Variants in ZNF716 observed in about 807,000 individuals in gnomAD.
ZNF716 encodes zinc finger protein 716.
A neutral mutation model predicts 13.4 loss-of-function variants in ZNF716; 9 were observed. The observed-to-expected ratio is 0.67, with a 90% confidence interval of 0.41 to 1.18. The LOEUF (loss-of-function observed/expected upper bound fraction) is 1.18, where lower values mean the gene tolerates loss of function less well. Among genes scored for constraint, ZNF716 ranks in the 50% most tolerant of loss-of-function variants. The pLI is 0.01. For synonymous variants in ZNF716, 186 were observed against 195.2 expected, an observed-to-expected ratio of 0.95 and a Z score of 0.39; for missense variants, 581 against 576.6, an observed-to-expected ratio of 1.01 and a Z score of -0.08.
rs782407347 is a variant in ZNF716, at chr7:57,469,765, T to C, written c.1304T>C (p.Leu435Pro). 1 of 1,609,378 alleles carries C rather than the reference T, an allele frequency of 6.2e-7. No homozygotes were observed. Among genetic ancestry groups the C allele is most frequent in the Non-Finnish European group, 8.5e-7 (1 of 1,178,036 alleles). ...AAGATAATTCATACTGGAGAGAAAC[T>C]CTACAAATGTAAAGAATGTGGGAAA... ...KHKIIHTGEK[L>P]YKCKECGKAF... The change falls in exon 4 of 4, where the codon CTC becomes CCC. Residue 435 changes from leucine (L) to proline (P), a missense_variant. Physicochemically the swap from Leu to Pro is moderately conservative, Grantham distance 98. Coordinates refer to ENST00000420713, the MANE Select transcript of ZNF716 (RefSeq NM_001159279.1).
intron 1 of ZNF716, among the ~76,000 whole-genome samples, chr7:57,459,142 T>A (rs1173800079): frequency 1.3e-5 from 2 of 152,242 alleles, no homozygotes; most frequent in African/African-American, 4.8e-5. Context: ...TTAAAATTAA[T>A]GATAAACATA....
intron 1 of ZNF716, among the ~76,000 whole-genome samples, chr7:57,455,422 T>C: frequency 6.6e-6 from 1 of 152,236 alleles, no homozygotes; most frequent in East Asian, 1.9e-4. Context: ...TATCTGGCTA[T>C]GTGATAAGTA....
At chr7:57,455,879 C>CT (rs34475017) in intron 1 of ZNF716, among the ~76,000 whole-genome samples, 6 of 151,484 alleles carry the variant, frequency 4.0e-5, no homozygotes, top group South Asian at 4.2e-4. Context: ...CTTTCCCAAA[C>CT]TTTTTTTTTG....
Position 57,472,359 on chromosome 7 carries a change from A to G in ZNF716, c.*2410A>G, listed in dbSNP as rs1318399134. On this transcript the variant is annotated 3_prime_UTR_variant, in exon 4 of 4. Coordinates refer to ENST00000420713, the MANE Select transcript of ZNF716 (RefSeq NM_001159279.1). ...GCTTTGAAAGAAGTATTAAGCTGCC[A>G]TTGACTCTATCGTGTCTCATCTTAA... The G allele has an allele frequency of 1.3e-5, 2 of 152,218 alleles. No individual in the cohort carries two copies. The highest frequency in any genetic ancestry group is 4.8e-5 in the African/African-American group (2 of 41,458). The allele number at this position is 152,218 out of a possible 1,614,324, so 9.4% of individuals were successfully genotyped here.
In ZNF716 at chr7:57,457,047, G is replaced by C. The variant is rs78424363; in HGVS notation, c.40-5413G>C. Among the ~76,000 whole-genome samples, 362 of 152,186 alleles carry C rather than the reference G, an allele frequency of 2.4e-3. 2 individuals carry two copies. Among genetic ancestry groups the C allele is most frequent in the African/African-American group, 8.3e-3 (343 of 41,526 alleles). On this transcript the variant is annotated intron_variant, in intron 1 of 3. Coordinates refer to ENST00000420713, the MANE Select transcript of ZNF716 (RefSeq NM_001159279.1). Reference sequence around the variant, plus strand: ...ACATTGATGCATCCACACCCCTCCCGGGACTAGGCACCACCTTCAAGAATT... The same window carrying C: ...ACATTGATGCATCCACACCCCTCCCCGGACTAGGCACCACCTTCAAGAATT...
At chr7:57,463,304 A>C (rs1164732634) in intron 3 of ZNF716, 136 bp downstream of exon 3, 2 of 1,206,662 alleles carry the variant, frequency 1.7e-6, no homozygotes, top group Non-Finnish European at 2.3e-6. Context: ...ATTTTTTTCT[A>C]TTATGCTTAC....
chr7:57,456,223 G>A (rs1789588666), intron 1 of ZNF716, among the ~76,000 whole-genome samples: 1 of 151,910 alleles, frequency 6.6e-6, no homozygotes, highest in Admixed American at 6.6e-5. Flanking sequence ...CAACGTGCTG[G>A]GATTACAGGC....
chr7:57,451,596 C>T (rs543626117), intron 1 of ZNF716, among the ~76,000 whole-genome samples: 9 of 151,286 alleles, frequency 5.9e-5, no homozygotes, highest in African/African-American at 1.2e-4. Context: ...TACATGCACC[C>T]GCCACCATGC....
Position 57,468,956 on chromosome 7 carries a change from CTT to C in ZNF716, c.497_498del (p.Phe166TrpfsTer2), listed in dbSNP as rs781928100. On this transcript the variant is annotated frameshift_variant, in exon 4 of 4. Transcript: ENST00000420713. LOFTEE classifies it low-confidence loss of function (END_TRUNC). ...TTCAGACTCATAAATGCGTCAAAGT[CTT>C]TGGTAAATTTTCAAATTCCAATAGA... ...TFQTHKCVKV[F>X]GKFSNSNRHK... The C allele has an allele frequency of 6.2e-6, 10 of 1,609,448 alleles. No individual in the cohort carries two copies. The highest frequency in any genetic ancestry group is 8.5e-6 in the Non-Finnish European group (10 of 1,177,520).
rs1408908497 is a variant in ZNF716, at chr7:57,471,720, T to A, written c.*1771T>A. 6.6e-6 allele frequency: 1 copy of A among 152,122 alleles called. No individual in the cohort carries two copies. Among genetic ancestry groups the A allele is most frequent in the Non-Finnish European group, 1.5e-5 (1 of 68,034 alleles). The allele number at this position is 152,122 out of a possible 1,614,324, so 9.4% of individuals were successfully genotyped here. A position where few individuals can be genotyped will look rare whatever the true frequency, so the allele number is the denominator to read the frequency against. On this transcript the variant is annotated 3_prime_UTR_variant, in exon 4 of 4. Coordinates refer to ENST00000420713, the MANE Select transcript of ZNF716 (RefSeq NM_001159279.1). ...ACACTAGTTTATACTAAAAAAATAT[T>A]TTTGCAGATGCAGTAAATGGGGAAA...
chr7:57,459,650 G>A (rs1789671460), intron 1 of ZNF716, among the ~76,000 whole-genome samples: 1 of 152,040 alleles, frequency 6.6e-6, no homozygotes, highest in South Asian at 2.1e-4. Flanking sequence ...AAACTTGAGG[G>A]GTTCAAGATA....
chr7:57,450,348 C>T (rs782624838), intron 1 of ZNF716, 21 bp downstream of exon 1: 41 of 1,613,740 alleles, frequency 2.5e-5, no homozygotes, highest in Non-Finnish European at 3.3e-5. Context: ...GGTCTGTCAC[C>T]GTGAGAGAGG....
intron 1 of ZNF716, among the ~76,000 whole-genome samples, chr7:57,452,851 C>T (rs1369484857): frequency 6.6e-6 from 1 of 151,998 alleles, no homozygotes; most frequent in Non-Finnish European, 1.5e-5. Flanking sequence ...ACCAAGATAC[C>T]TACTGTGGCC....
At position 57,472,280 on chromosome 7, in the gene ZNF716, A is replaced by G. The variant is rs1789956950; in HGVS notation, c.*2331A>G. 6.6e-6 allele frequency: 1 copy of G among 152,230 alleles called. No homozygotes were observed. Among genetic ancestry groups the G allele is most frequent in the Admixed American group, 6.5e-5 (1 of 15,270 alleles). The allele number at this position is 152,230 out of a possible 1,614,324, so 9.4% of individuals were successfully genotyped here. A position where few individuals can be genotyped will look rare whatever the true frequency, so the allele number is the denominator to read the frequency against. On this transcript the variant is annotated 3_prime_UTR_variant, in exon 4 of 4. Coordinates refer to ENST00000420713, the MANE Select transcript of ZNF716 (RefSeq NM_001159279.1). ...TTGAACGTCAGTAGTAAATTATTTTATCAATTGTACCTTTATGTAAACAAA... is the reference window on the plus strand; with the variant it reads ...TTGAACGTCAGTAGTAAATTATTTTGTCAATTGTACCTTTATGTAAACAAA...
chr7:57,456,575 A>G (rs1000352838), intron 1 of ZNF716, among the ~76,000 whole-genome samples: 8 of 152,056 alleles, frequency 5.3e-5, no homozygotes, highest in Non-Finnish European at 7.4e-5. Context: ...TCTCTACTAA[A>G]AATACAAAAA....
intron 1 of ZNF716, among the ~76,000 whole-genome samples, chr7:57,451,047 A>G (rs181319937): frequency 1.3e-5 from 2 of 150,034 alleles, no homozygotes; most frequent in Non-Finnish European, 3.0e-5. Flanking sequence ...TTTGAGAGGG[A>G]GTCTCGCTCT....
intron 1 of ZNF716, among the ~76,000 whole-genome samples, chr7:57,459,557 T>C (rs530538638): frequency 2.0e-5 from 3 of 152,316 alleles, no homozygotes; most frequent in Non-Finnish European, 4.4e-5. Flanking sequence ...AGGGGACTTG[T>C]TGAAAAAGCC....
At chr7:57,467,106 A>G (rs1199768429) in intron 3 of ZNF716, among the ~76,000 whole-genome samples, 1 of 151,944 alleles carries the variant, frequency 6.6e-6, no homozygotes, top group East Asian at 1.9e-4. Flanking sequence ...TTACAACAGT[A>G]TATTTTAAAC....
At position 57,469,983 on chromosome 7, in the gene ZNF716, CATAAA is replaced by C; in HGVS notation, c.*39_*43del. ...AGTCCAGCCCTCAGGCCTTATAATACATAAAATAATTTATACTGGAAAAAATCACT... is the reference window on the plus strand; with the variant it reads ...AGTCCAGCCCTCAGGCCTTATAATACATAATTTATACTGGAAAAAATCACT... On this transcript the variant is annotated 3_prime_UTR_variant, in exon 4 of 4. Coordinates refer to ENST00000420713, the MANE Select transcript of ZNF716 (RefSeq NM_001159279.1). 1 of 1,479,288 alleles carries C rather than the reference CATAAA, an allele frequency of 6.8e-7. No individual in the cohort carries two copies. The highest frequency in any genetic ancestry group is 9.0e-7 in the Non-Finnish European group (1 of 1,116,678). 91.6% of individuals were successfully genotyped at this position (1,479,288 alleles called of 1,614,324 possible).
Sources: gnomAD v4.1 joint callset for allele counts (sites outside exome capture counted in the v4.1 genomes callset) on GRCh38, gnomAD v4.1.1 for gene constraint, MANE v1.5 for transcripts, NCBI Gene and HGNC (gene_info 2026-07-23, HGNC 2026-07-21) for gene names.